The following UNC5D variants were observed in gnomAD, a reference collection of about 807,000 sequenced individuals.
UNC5D encodes netrin receptor UNC5D.
UNC5D carries 39 observed loss-of-function variants against 105.4 expected under a neutral mutation model. That is an observed-to-expected ratio of 0.37 (90% CI 0.29 to 0.48). UNC5D has a LOEUF of 0.48. UNC5D is among the 20% of genes least tolerant of loss of function. UNC5D has a pLI of 0.98. For missense variants in UNC5D, 991 were observed against 1,202.4 expected (o/e 0.82, Z 2.60); for synonymous variants, 452 against 450.4 (o/e 1.00, Z -0.04).
chr8:35,683,385 A>G (rs1350516835), intron 4 of UNC5D, among the ~76,000 whole-genome samples, 162 bp from the exon 5 acceptor site: 3 of 152,224 alleles, frequency 2.0e-5, no homozygotes, highest in East Asian at 3.9e-4. Context: ...AACCAAATTT[A>G]CCAAATAAAA....
intron 1 of UNC5D, among the ~76,000 whole-genome samples, chr8:35,335,360 A>G (rs1353953768): frequency 6.6e-6 from 1 of 152,196 alleles, no homozygotes; most frequent in Admixed American, 6.5e-5. Context: ...TTTCTGTTCT[A>G]TCTACTAGCT....
At chr8:35,660,757 A>G (rs1376144004) in intron 4 of UNC5D, among the ~76,000 whole-genome samples, 1 of 152,144 alleles carries the variant, frequency 6.6e-6, no homozygotes, top group Non-Finnish European at 1.5e-5. Context: ...TGTTTACTGC[A>G]AAGTCTGGCT....
chr8:35,579,139 A>G (rs1038659638), intron 3 of UNC5D, among the ~76,000 whole-genome samples: 8 of 151,870 alleles, frequency 5.3e-5, no homozygotes, highest in African/African-American at 9.7e-5. Flanking sequence ...AACAGATAAT[A>G]CAAACAGCTG....
At chr8:35,656,068 AAG>A (rs1293639691) in intron 4 of UNC5D, among the ~76,000 whole-genome samples, 1 of 152,140 alleles carries the variant, frequency 6.6e-6, no homozygotes, top group South Asian at 2.1e-4. Flanking sequence ...TCCCTCCCTC[AAG>A]AGTCACCCTG....
At chr8:35,675,385 G>A (rs1050067137) in intron 4 of UNC5D, among the ~76,000 whole-genome samples, 1 of 152,230 alleles carries the variant, frequency 6.6e-6, no homozygotes, top group South Asian at 2.1e-4. Context: ...AACATCCTTA[G>A]ATGGGAGATA....
rs188455338 is a variant in UNC5D at position 35,296,247 on chromosome 8, A to G, written c.103+60360A>G. Among the ~76,000 whole-genome samples, 523 of 152,220 alleles carry G rather than the reference A, an allele frequency of 3.4e-3. 4 individuals carry two copies. Among genetic ancestry groups the G allele is most frequent in the African/African-American group, 0.012 (501 of 41,546 alleles). ...GAGGAGCTTCTATACTATTTTCCATAATGGCTCTACCAATTCACATTCCCA... is the reference window on the plus strand; with the variant it reads ...GAGGAGCTTCTATACTATTTTCCATGATGGCTCTACCAATTCACATTCCCA... On this transcript the variant is annotated intron_variant, in intron 1 of 16. Coordinates refer to ENST00000404895, the MANE Select transcript of UNC5D (RefSeq NM_080872.4).
intron 4 of UNC5D, among the ~76,000 whole-genome samples, chr8:35,644,147 A>G (rs1822912881): frequency 6.6e-6 from 1 of 152,194 alleles, no homozygotes; most frequent in South Asian, 2.1e-4. Context: ...AAATAGTAAT[A>G]GTCAAAAGTC....
At chr8:35,261,947 A>C (rs972653691) in intron 1 of UNC5D, among the ~76,000 whole-genome samples, 4 of 152,132 alleles carry the variant, frequency 2.6e-5, no homozygotes, top group Non-Finnish European at 4.4e-5. Flanking sequence ...CAGTGCTGGC[A>C]AAAAATAAAA....
chr8:35,669,808 T>C (rs1824661314), intron 4 of UNC5D, among the ~76,000 whole-genome samples: 1 of 152,114 alleles, frequency 6.6e-6, no homozygotes. Flanking sequence ...CGTCCCTTAT[T>C]TATGCAGAAA....
intron 1 of UNC5D, among the ~76,000 whole-genome samples, chr8:35,507,106 A>T (rs1464663272): frequency 2.1e-4 from 24 of 113,940 alleles, no homozygotes; most frequent in Non-Finnish European, 3.2e-5. Flanking sequence ...CCCAGGCTGG[A>T]GTGCAGTGGC....
chr8:35,427,810 G>T (rs1806351024), intron 1 of UNC5D, among the ~76,000 whole-genome samples: 1 of 152,102 alleles, frequency 6.6e-6, no homozygotes. Flanking sequence ...TCAAAAGAAA[G>T]TTGACTCTGG....
intron 4 of UNC5D, among the ~76,000 whole-genome samples, chr8:35,607,847 C>A: frequency 6.6e-6 from 1 of 151,656 alleles, no homozygotes; most frequent in Non-Finnish European, 1.5e-5. Flanking sequence ...TTAACCCTAA[C>A]CCTAACCCCT....
chr8:35,757,268 A>C (rs1266639175), intron 13 of UNC5D, among the ~76,000 whole-genome samples: 1 of 152,100 alleles, frequency 6.6e-6, no homozygotes, highest in Non-Finnish European at 1.5e-5. Flanking sequence ...AATAAAATAC[A>C]AAGTCCTTAG....
intron 1 of UNC5D, among the ~76,000 whole-genome samples, chr8:35,300,599 C>T (rs970113339): frequency 1.3e-5 from 2 of 151,482 alleles, no homozygotes; most frequent in Admixed American, 6.6e-5. Flanking sequence ...AATGACTCCA[C>T]CTGGAGGAAG....
At chr8:35,436,783 C>T (rs1420790426) in intron 1 of UNC5D, among the ~76,000 whole-genome samples, 3 of 152,132 alleles carry the variant, frequency 2.0e-5, no homozygotes, top group Admixed American at 6.6e-5. Flanking sequence ...TTCATAACTC[C>T]TACTGTGTTT....
At chr8:35,556,580 G>A (rs1017338918) in intron 2 of UNC5D, among the ~76,000 whole-genome samples, 15 of 152,206 alleles carry the variant, frequency 9.9e-5, no homozygotes, top group African/African-American at 3.6e-4. Flanking sequence ...GTTCCTGAAA[G>A]TAAGAGGAGG....
chr8:35,426,635 G>A (rs557389057), intron 1 of UNC5D, among the ~76,000 whole-genome samples: 7 of 152,226 alleles, frequency 4.6e-5, no homozygotes, highest in Admixed American at 6.5e-5. Flanking sequence ...TTTCTTAAAG[G>A]CATCTATCTT....
intron 1 of UNC5D, among the ~76,000 whole-genome samples, chr8:35,497,628 G>A (rs920910874): frequency 6.6e-6 from 1 of 151,164 alleles, no homozygotes; most frequent in Admixed American, 6.6e-5. Flanking sequence ...TTTACAAATG[G>A]TAATGGAAGC....
intron 3 of UNC5D, among the ~76,000 whole-genome samples, chr8:35,593,298 G>A (rs1819293340): frequency 6.6e-6 from 1 of 152,228 alleles, no homozygotes; most frequent in African/African-American, 2.4e-5. Flanking sequence ...GGACACAAAA[G>A]TAGAATGTAA....
Sources: allele counts gnomAD v4.1 joint callset (sites outside exome capture counted in the v4.1 genomes callset), GRCh38; gene constraint gnomAD v4.1.1; transcripts MANE v1.5; gene names NCBI Gene and HGNC (gene_info 2026-07-23, HGNC 2026-07-21).